SLC6A6: variants seen among roughly 807,000 people sequenced by gnomAD.
SLC6A6 encodes sodium- and chloride-dependent taurine transporter.
A neutral mutation model predicts 68.8 loss-of-function variants in SLC6A6; 16 were observed. The observed-to-expected ratio is 0.23, with a 90% confidence interval of 0.16 to 0.35. The LOEUF (loss-of-function observed/expected upper bound fraction) is 0.35, where lower values mean the gene tolerates loss of function less well. Ranked by LOEUF, SLC6A6 falls within the 10% of genes least tolerant of loss-of-function variation. The pLI is 1.00. For synonymous variants in SLC6A6, 312 were observed against 315.4 expected (o/e 0.99, Z 0.12); for missense variants, 474 against 802.8 (o/e 0.59, Z 4.95).
chr3:14,468,665 C>T lies in SLC6A6; in HGVS notation c.1096+453C>T, dbSNP rs1221614530. On this transcript the variant is annotated intron_variant, in intron 9 of 14. Transcript: ENST00000622186. The surrounding 1 kb of genome is among the most constrained non-coding windows in gnomAD (Gnocchi z 4.5). ...AAGCAGACGCATTCATCCATCCCAC[C>T]GATTTCTCGTGAATGAGTCCCAACT... 6.6e-6 allele frequency among the ~76,000 whole-genome samples: 1 copy of T among 152,166 alleles called. No individual in the cohort carries two copies. Among genetic ancestry groups the T allele is most frequent in the Admixed American group, 6.5e-5 (1 of 15,288 alleles).
At chr3:14,484,304 A>G (rs1239974540) in intron 14 of SLC6A6, among the ~76,000 whole-genome samples, 1 of 152,226 alleles carries the variant, frequency 6.6e-6, no homozygotes. Flanking sequence ...AGGTTCTCCA[A>G]GCCCTTAAGA....
chr3:14,456,197 G>T (rs916861454), intron 5 of SLC6A6, among the ~76,000 whole-genome samples: 5 of 152,238 alleles, frequency 3.3e-5, no homozygotes, highest in Admixed American at 1.3e-4. Flanking sequence ...TGGAAAGCAG[G>T]TGGTTGCTGG....
chr3:14,421,038 A>G (rs974175689), intron 2 of SLC6A6, among the ~76,000 whole-genome samples: 2 of 152,188 alleles, frequency 1.3e-5, no homozygotes, highest in Non-Finnish European at 2.9e-5. Context: ...TTGATGAATC[A>G]TTGACCCCGC....
intron 2 of SLC6A6, among the ~76,000 whole-genome samples, chr3:14,438,329 T>C (rs1699906513): frequency 6.6e-6 from 1 of 152,022 alleles, no homozygotes; most frequent in Admixed American, 6.6e-5. Context: ...TTTACCCTCA[T>C]TTTTTACCAG....
chr3:14,445,873 C>T (rs759073782), intron 4 of SLC6A6, 22 bp downstream of exon 4: 9 of 1,613,512 alleles, frequency 5.6e-6, no homozygotes, highest in African/African-American at 1.3e-5. Context: ...ACGGAGGTCA[C>T]TTGGGGCCTG....
intron 5 of SLC6A6, among the ~76,000 whole-genome samples, chr3:14,454,598 T>C (rs1468511525): frequency 6.6e-6 from 1 of 152,182 alleles, no homozygotes; most frequent in East Asian, 1.9e-4. Context: ...TGTCAGGCTG[T>C]GTTGTGACAA....
chr3:14,484,817 A>G, intron 14 of SLC6A6, 50 bp from the exon 15 acceptor site: 1 of 1,596,226 alleles, frequency 6.3e-7, no homozygotes, highest in South Asian at 1.1e-5. Flanking sequence ...GGCGAAGGGG[A>G]GACCAGGCCG....
intron 13 of SLC6A6, among the ~76,000 whole-genome samples, chr3:14,480,478 T>TA (rs3836357): frequency 1.3e-5 from 2 of 151,914 alleles, no homozygotes; most frequent in Non-Finnish European, 2.9e-5. Flanking sequence ...AGGCACTGGC[T>TA]CAAGCTCCTC....
chr3:14,481,867 G>A lies in SLC6A6; in HGVS notation c.1722+26G>A, dbSNP rs779248586. On this transcript the variant is annotated intron_variant, in intron 14 of 14. Transcript: ENST00000622186. This position sits in a 1 kb window ranked among gnomAD's most constrained non-coding sequence, Gnocchi z 4.7. ...GTAAGTGCTTGGGCCCAGGGCCAGG[G>A]GAGGTGGGAGGCGCGAGGCCAAAGG... is the stretch of plus-strand genomic sequence containing the variant. 2 of 1,602,518 alleles carry A rather than the reference G, an allele frequency of 1.2e-6. No individual in the cohort carries two copies. The highest frequency in any genetic ancestry group is 8.5e-7 in the Non-Finnish European group (1 of 1,171,740).
In SLC6A6 at chr3:14,485,155, C is replaced by T. The variant is rs1457777723; in HGVS notation, c.*148C>T. 16 of 557,428 alleles carry T rather than the reference C, an allele frequency of 2.9e-5. No homozygotes were observed. The highest frequency in any genetic ancestry group is 1.4e-4 in the Admixed American group (4 of 28,390). 34.5% of individuals were successfully genotyped at this position (557,428 alleles called of 1,614,324 possible). ...GAAAATGTAATTGTGGGTATGTGTG[C>T]GTGCGTGTGTGTGTGTGTGTGTATC... On this transcript the variant is annotated 3_prime_UTR_variant, in exon 15 of 15. Transcript: ENST00000622186.
At chr3:14,451,085 C>T (rs1700241392) in intron 5 of SLC6A6, among the ~76,000 whole-genome samples, 1 of 152,238 alleles carries the variant, frequency 6.6e-6, no homozygotes, top group South Asian at 2.1e-4. Context: ...TCTTGGATCT[C>T]TCCGTGCCTT....
At position 14,442,896 on chromosome 3, in the gene SLC6A6, G is replaced by A. The variant is rs958783418; in HGVS notation, c.-11-728G>A. 5.9e-5 allele frequency among the ~76,000 whole-genome samples: 9 copies of A among 152,200 alleles called. No homozygotes were observed. In the East Asian group the frequency reaches 7.7e-4, roughly 13 times the overall value. On this transcript the variant is annotated intron_variant, in intron 2 of 14. Coordinates refer to ENST00000622186, the MANE Select transcript of SLC6A6 (RefSeq NM_003043.6). The stretch of plus-strand genomic sequence containing the variant: ...GGTTAGAGAAGGGTGGACAAATGGG[G>A]ATGAACAAGCACACTTGCATAATCC...
At position 14,484,808 on chromosome 3, in the gene SLC6A6, GC is replaced by G. The variant is rs796778292; in HGVS notation, c.1723-58del. 3.1e-5 allele frequency: 49 copies of G among 1,585,998 alleles called. 1 individual carries two copies. In the African/African-American group the frequency reaches 6.2e-4, roughly 20 times the overall value. ...ATTCAGGAGGAGGCAGATGGCCCTG[GC>G]GAAGGGGAGACCAGGCCGCCTGACG... On this transcript the variant is annotated intron_variant, in intron 14 of 14. Transcript: ENST00000622186.
rs113673472 is a variant in SLC6A6 at position 14,485,159 on chromosome 3, CGTGTGTGT to C, written c.*163_*170del. 1.1e-5 allele frequency: 5 copies of C among 463,772 alleles called. No individual in the cohort carries two copies. The highest frequency in any genetic ancestry group is 1.9e-5 in the Non-Finnish European group (5 of 269,536). 28.7% of individuals were successfully genotyped at this position (463,772 alleles called of 1,614,324 possible). A position where few individuals can be genotyped will look rare whatever the true frequency, so the allele number is the denominator to read the frequency against. On this transcript the variant is annotated 3_prime_UTR_variant, in exon 15 of 15. Transcript: ENST00000622186. ...ATGTAATTGTGGGTATGTGTGCGTG[CGTGTGTGT>C]GTGTGTGTGTATCGTGTGTGTGTGT...
chr3:14,418,946 C>T (rs1272874906), intron 2 of SLC6A6, among the ~76,000 whole-genome samples: 2 of 152,214 alleles, frequency 1.3e-5, no homozygotes, highest in South Asian at 2.1e-4. Flanking sequence ...CCTTCCCCTT[C>T]CCCCGGGACT....
intron 4 of SLC6A6, among the ~76,000 whole-genome samples, chr3:14,446,312 A>G (rs1700119343): frequency 6.6e-6 from 1 of 152,264 alleles, no homozygotes; most frequent in Non-Finnish European, 1.5e-5. Context: ...TGATGCAGAA[A>G]CAGAAAAACA....
At chr3:14,470,662 G>T (rs144480414) in intron 9 of SLC6A6, among the ~76,000 whole-genome samples, 1 of 152,192 alleles carries the variant, frequency 6.6e-6, no homozygotes, top group Non-Finnish European at 1.5e-5. Flanking sequence ...TCCTCATTCA[G>T]TGTGGACCAG....
At chr3:14,438,577 G>T (rs1699912515) in intron 2 of SLC6A6, among the ~76,000 whole-genome samples, 1 of 152,198 alleles carries the variant, frequency 6.6e-6, no homozygotes, top group Non-Finnish European at 1.5e-5. Context: ...TGTCATCCAG[G>T]TCTCTTCTTG....
At chr3:14,408,807 T>TG (rs892310580) in intron 1 of SLC6A6, among the ~76,000 whole-genome samples, 6 of 151,798 alleles carry the variant, frequency 4.0e-5, no homozygotes, top group Middle Eastern at 3.2e-3. Context: ...TTTGTTTTTT[T>TG]TTTGTTTGTT....
Sources: allele counts gnomAD v4.1 joint callset (sites outside exome capture counted in the v4.1 genomes callset), GRCh38; gene constraint gnomAD v4.1.1; non-coding constraint Gnocchi (gnomAD v3.1); transcripts MANE v1.5; gene names NCBI Gene and HGNC (gene_info 2026-07-23, HGNC 2026-07-21).